TSPAN12: variants seen among roughly 807,000 people sequenced by gnomAD.
TSPAN12 encodes tetraspanin-12.
In TSPAN12, 19 loss-of-function variants were observed where a neutral mutation model predicts 39.2. That is an observed-to-expected ratio of 0.49 (90% CI 0.34 to 0.71). The LOEUF is 0.71. Ranked by LOEUF, TSPAN12 falls within the 30% of genes least tolerant of loss-of-function variation. TSPAN12 has a pLI of 0.01. For synonymous variants in TSPAN12, 119 were observed against 124.8 expected (o/e 0.95, Z 0.31); for missense variants, 314 against 359.9 (o/e 0.87, Z 1.03).
chr7:120,788,768 G>A lies in TSPAN12; in HGVS notation c.742C>T (p.Leu248=). The A allele has an allele frequency of 6.2e-7, 1 of 1,614,066 alleles. No individual in the cohort carries two copies. The highest frequency in any genetic ancestry group is 8.5e-7 in the Non-Finnish European group (1 of 1,179,998). Residue 248 remains leucine (L), a synonymous_variant, in exon 8 of 8, where the codon CTG becomes TTG. Coordinates refer to ENST00000222747, the MANE Select transcript of TSPAN12 (RefSeq NM_012338.4). ...MILTITLLWA[L]YYDRREPGTD... is the part of the protein sequence containing the mutation. Reference sequence around the variant, plus strand: ...CCCGGCTCCCTTCTATCATAATACAGAGCCCAGAGCAGAGTAATGGTGAGA... The same window carrying A: ...CCCGGCTCCCTTCTATCATAATACAAAGCCCAGAGCAGAGTAATGGTGAGA...
chr7:120,817,221 AAAG>A (rs888617346), intron 4 of TSPAN12, among the ~76,000 whole-genome samples: 21 of 151,976 alleles, frequency 1.4e-4, no homozygotes, highest in South Asian at 8.3e-4. Context: ...AAAAAGAAAA[AAAG>A]AAGAAGAAAA....
chr7:120,847,662 G>C (rs892773441), intron 2 of TSPAN12, among the ~76,000 whole-genome samples: 28 of 152,080 alleles, frequency 1.8e-4, no homozygotes, highest in African/African-American at 6.0e-4. Context: ...GCAAGGCGTC[G>C]GGTGAATTCC....
At chr7:120,844,078 C>A (rs1214700061) in intron 2 of TSPAN12, among the ~76,000 whole-genome samples, 1 of 151,998 alleles carries the variant, frequency 6.6e-6, no homozygotes, top group Non-Finnish European at 1.5e-5. Flanking sequence ...TCTTACATGG[C>A]CAGAGCAGGA....
At chr7:120,829,796 T>C (rs2116434107) in intron 4 of TSPAN12, among the ~76,000 whole-genome samples, 1 of 152,290 alleles carries the variant, frequency 6.6e-6, no homozygotes, top group Non-Finnish European at 1.5e-5. Flanking sequence ...TATATTTAAC[T>C]AAAATTATCT....
At chr7:120,807,441 C>T (rs948409485) in intron 6 of TSPAN12, among the ~76,000 whole-genome samples, 1 of 152,054 alleles carries the variant, frequency 6.6e-6, no homozygotes, top group Non-Finnish European at 1.5e-5. Context: ...TGCTTAAGGA[C>T]CTCTATAGAT....
intron 4 of TSPAN12, among the ~76,000 whole-genome samples, chr7:120,836,040 G>A (rs766068260): frequency 3.3e-5 from 5 of 152,208 alleles, no homozygotes; most frequent in Non-Finnish European, 7.3e-5. Flanking sequence ...CCAATAGGGA[G>A]TCTCTGCACC....
chr7:120,857,510 G>T (rs1381792588), intron 1 of TSPAN12, among the ~76,000 whole-genome samples: 7 of 150,642 alleles, frequency 4.6e-5, no homozygotes, highest in African/African-American at 9.7e-5. Context: ...GTGGGCGGGG[G>T]GCGGGGGGCG....
At chr7:120,816,032 C>A (rs747349319) in intron 4 of TSPAN12, among the ~76,000 whole-genome samples, 1 of 152,068 alleles carries the variant, frequency 6.6e-6, no homozygotes, top group Non-Finnish European at 1.5e-5. Context: ...TGAGAAAAAT[C>A]TTTTATAAAT....
intron 4 of TSPAN12, among the ~76,000 whole-genome samples, chr7:120,835,862 C>G (rs1794466129): frequency 6.6e-6 from 1 of 152,136 alleles, no homozygotes; most frequent in East Asian, 1.9e-4. Context: ...GCTAAGAAGA[C>G]AGCAAGAATA....
rs1793573831 is a variant in TSPAN12 at position 120,793,517 on chromosome 7, A to G, written c.613-4620T>C. ...CATTTATATAGCAAAATATCAGGTG[A>G]TCATTTCCTCATTTTGTTTAAAAAG... On this transcript the variant is annotated intron_variant, in intron 7 of 7. Coordinates refer to ENST00000222747, the MANE Select transcript of TSPAN12 (RefSeq NM_012338.4). 2.0e-5 allele frequency among the ~76,000 whole-genome samples: 3 copies of G among 152,322 alleles called. No individual in the cohort carries two copies. In the South Asian group the frequency reaches 6.2e-4, roughly 32 times the overall value.
rs182585644 is a variant in TSPAN12 at position 120,805,330 on chromosome 7, A to T, written c.612+1219T>A. Among the ~76,000 whole-genome samples, 237 of 152,262 alleles carry T rather than the reference A, an allele frequency of 1.6e-3. 2 individuals carry two copies. Among genetic ancestry groups the T allele is most frequent in the African/African-American group, 5.4e-3 (224 of 41,566 alleles). ...ATTAATTAATTTACAATATAAATTG[A>T]CTGCCCATCTCAACAACTGCCTTTG... On this transcript the variant is annotated intron_variant, in intron 7 of 7. Transcript: ENST00000222747.
chr7:120,856,907 C>T (rs2116521278), intron 1 of TSPAN12, 74 bp from the exon 2 acceptor site: 1 of 847,730 alleles, frequency 1.2e-6, no homozygotes, highest in South Asian at 1.4e-5. Context: ...GTCCCTCCTC[C>T]ACCCGCCCTC....
Position 120,788,266 on chromosome 7 carries a change from T to C in TSPAN12, c.*326A>G. On this transcript the variant is annotated 3_prime_UTR_variant, in exon 8 of 8. Coordinates refer to ENST00000222747, the MANE Select transcript of TSPAN12 (RefSeq NM_012338.4). ...CTTTACTATGGCTCCAGTCCCACCA[T>C]ATGTGACTCGTTTGCATGGATGCGG... is the stretch of plus-strand genomic sequence containing the variant. The C allele has an allele frequency of 2.7e-6, 1 of 364,550 alleles. No individual in the cohort carries two copies. Among genetic ancestry groups the C allele is most frequent in the South Asian group, 2.6e-5 (1 of 38,300 alleles). The allele number at this position is 364,550 out of a possible 1,614,324, so 22.6% of individuals were successfully genotyped here.
At chr7:120,857,745 C>T (rs1203372605) in intron 1 of TSPAN12, 75 bp downstream of exon 1, 1 of 152,098 alleles carries the variant, frequency 6.6e-6, no homozygotes. Flanking sequence ...TAGTTTAGCA[C>T]ACAGCGCGGA....
At chr7:120,846,156 C>T (rs1794665026) in intron 2 of TSPAN12, among the ~76,000 whole-genome samples, 2 of 152,176 alleles carry the variant, frequency 1.3e-5, no homozygotes, top group Admixed American at 1.3e-4. Flanking sequence ...CTCTTGAGAA[C>T]TCACTCTCTA....
At chr7:120,793,969 T>C (rs1318160357) in intron 7 of TSPAN12, among the ~76,000 whole-genome samples, 2 of 152,234 alleles carry the variant, frequency 1.3e-5, no homozygotes. Flanking sequence ...ACATTAGAAT[T>C]ATGGTGATGA....
intron 3 of TSPAN12, 121 bp from the exon 4 acceptor site, chr7:120,839,033 G>T: frequency 1.0e-6 from 1 of 972,608 alleles, no homozygotes; most frequent in Non-Finnish European, 1.6e-6. Flanking sequence ...CTCAAAACTA[G>T]TGACTGCATT....
intron 4 of TSPAN12, among the ~76,000 whole-genome samples, chr7:120,833,065 G>A (rs1244620015): frequency 6.6e-6 from 1 of 151,934 alleles, no homozygotes; most frequent in South Asian, 2.1e-4. Context: ...GTATCTTTGG[G>A]GATTCTACTT....
chr7:120,849,015 CTA>C (rs1296451862), intron 2 of TSPAN12, among the ~76,000 whole-genome samples: 1 of 152,132 alleles, frequency 6.6e-6, no homozygotes, highest in Non-Finnish European at 1.5e-5. Flanking sequence ...TCCAAAGTAA[CTA>C]TGAAAATAAT....
Sources: gnomAD v4.1 joint callset for allele counts (sites outside exome capture counted in the v4.1 genomes callset) on GRCh38, gnomAD v4.1.1 for gene constraint, MANE v1.5 for transcripts, NCBI Gene and HGNC (gene_info 2026-07-23, HGNC 2026-07-21) for gene names.